NLGN1: variants seen among roughly 807,000 people sequenced by gnomAD.
NLGN1 encodes the protein neuroligin 1, also known as neuroligin-1.
In NLGN1, 12 loss-of-function variants were observed where a neutral mutation model predicts 65.5. The ratio of observed to expected loss-of-function variants is 0.18; its 90% CI spans 0.12 to 0.30. NLGN1 has a LOEUF of 0.30. Among genes scored for constraint, NLGN1 ranks in the 10% least tolerant of loss-of-function variants. NLGN1 has a pLI of 1.00. For synonymous variants in NLGN1, 350 were observed against 359.5 expected (o/e 0.97, Z 0.30); for missense variants, 750 against 1,007.1 (o/e 0.74, Z 3.46).
At chr3:173,545,322 C>T (rs942770574) in intron 2 of NLGN1, among the ~76,000 whole-genome samples, 2 of 152,116 alleles carry the variant, frequency 1.3e-5, no homozygotes, top group Non-Finnish European at 2.9e-5. Flanking sequence ...GATCCACCCA[C>T]CTAGACCTCC....
intron 2 of NLGN1, among the ~76,000 whole-genome samples, chr3:173,598,612 G>C (rs1160356821): frequency 6.6e-6 from 1 of 152,140 alleles, no homozygotes; most frequent in African/African-American, 2.4e-5. Context: ...GGGCTTGCTT[G>C]ATTTGGCTCT....
intron 1 of NLGN1, among the ~76,000 whole-genome samples, chr3:173,418,563 G>A (rs1714278887): frequency 1.3e-5 from 2 of 152,052 alleles, no homozygotes; most frequent in African/African-American, 2.4e-5. Context: ...TCTTCTCATT[G>A]TATAAATTGG....
chr3:173,604,654 G>T (rs1751075977), exon 3 of NLGN1: 1 of 1,613,570 alleles, frequency 6.2e-7, no homozygotes. Context: ...GTGATGGCAT[G>T]CTTGGTACAC....
chr3:173,857,453 C>T (rs555348197), intron 4 of NLGN1, among the ~76,000 whole-genome samples: 11 of 151,978 alleles, frequency 7.2e-5, no homozygotes, highest in Non-Finnish European at 1.6e-4. Flanking sequence ...TTTTCAAAAC[C>T]CAATACGTTT....
At chr3:173,699,524 T>C (rs1766795765) in intron 3 of NLGN1, among the ~76,000 whole-genome samples, 1 of 152,240 alleles carries the variant, frequency 6.6e-6, no homozygotes, top group African/African-American at 2.4e-5. Context: ...TCATGGATTC[T>C]TTGAAATAAG....
At chr3:173,528,274 A>T (rs1412478893) in intron 2 of NLGN1, among the ~76,000 whole-genome samples, 1 of 152,156 alleles carries the variant, frequency 6.6e-6, no homozygotes, top group Non-Finnish European at 1.5e-5. Flanking sequence ...AAGGAGGCTA[A>T]AAATAGGTCT....
At chr3:173,551,537 C>G (rs1047002155) in intron 2 of NLGN1, among the ~76,000 whole-genome samples, 1 of 152,150 alleles carries the variant, frequency 6.6e-6, no homozygotes, top group Non-Finnish European at 1.5e-5. Context: ...TATTTATGCC[C>G]AGAGGATAGT....
intron 4 of NLGN1, among the ~76,000 whole-genome samples, chr3:174,020,377 A>C (rs1384304386): frequency 6.6e-6 from 1 of 152,094 alleles, no homozygotes; most frequent in Non-Finnish European, 1.5e-5. Context: ...ATTGTCCCCA[A>C]GTGACTGATG....
At chr3:174,122,837 C>T (rs1003756461) in intron 4 of NLGN1, among the ~76,000 whole-genome samples, 14 of 151,148 alleles carry the variant, frequency 9.3e-5, no homozygotes, top group African/African-American at 1.5e-4. Context: ...CTATCTATGC[C>T]GATGTTTTTG....
chr3:173,635,752 C>G (rs1756472245), intron 3 of NLGN1, among the ~76,000 whole-genome samples: 1 of 152,008 alleles, frequency 6.6e-6, no homozygotes, highest in South Asian at 2.1e-4. Context: ...CAATGAAAAC[C>G]TTGAAGTATC....
chr3:173,467,096 GATTTA>G (rs1386323686), intron 2 of NLGN1, among the ~76,000 whole-genome samples: 2 of 152,002 alleles, frequency 1.3e-5, no homozygotes, highest in Non-Finnish European at 2.9e-5. Flanking sequence ...TTATCAAGAT[GATTTA>G]ATTTAATTCC....
intron 2 of NLGN1, among the ~76,000 whole-genome samples, chr3:173,520,403 T>C (rs2149132902): frequency 6.6e-6 from 1 of 152,336 alleles, no homozygotes; most frequent in African/African-American, 2.4e-5. Flanking sequence ...ACCTTTGTCA[T>C]TTCACTGAAA....
chr3:174,124,704 A>G (rs1718569506), intron 4 of NLGN1, among the ~76,000 whole-genome samples: 1 of 149,148 alleles, frequency 6.7e-6, no homozygotes, highest in Admixed American at 6.7e-5. Context: ...CTTATAGTAT[A>G]TACTTATATA....
chr3:173,415,499 A>T (rs1224174767), intron 1 of NLGN1, among the ~76,000 whole-genome samples: 2 of 152,234 alleles, frequency 1.3e-5, no homozygotes, highest in African/African-American at 4.8e-5. Context: ...GATGATGTAG[A>T]TATAAGTTGA....
intron 2 of NLGN1, among the ~76,000 whole-genome samples, chr3:173,596,194 T>C (rs1749463996): frequency 6.6e-6 from 1 of 152,228 alleles, no homozygotes; most frequent in African/African-American, 2.4e-5. Context: ...TCTCTTTTTT[T>C]TAATGTTATT....
intron 4 of NLGN1, among the ~76,000 whole-genome samples, chr3:174,042,430 A>C (rs188513168): frequency 6.6e-6 from 1 of 152,248 alleles, no homozygotes; most frequent in Non-Finnish European, 1.5e-5. Context: ...TACCATGTGG[A>C]TATCTAATGA....
At chr3:173,513,374 C>G (rs1581460) in intron 2 of NLGN1, among the ~76,000 whole-genome samples, 66,518 of 151,946 alleles carry the variant, frequency 0.44, 15,888 homozygotes, top group East Asian at 0.85. Flanking sequence ...TGAGCCTTCA[C>G]CAATTTGTCA....
intron 4 of NLGN1, among the ~76,000 whole-genome samples, chr3:173,989,700 G>A (rs115697967): frequency 3.0e-4 from 45 of 152,230 alleles, no homozygotes; most frequent in Non-Finnish European, 4.4e-4. Context: ...CAGTCTTACC[G>A]CAGGTGCATC....
intron 4 of NLGN1, among the ~76,000 whole-genome samples, chr3:174,117,606 GA>G (rs537054381): frequency 0.092 from 11,789 of 128,128 alleles, 514 homozygotes; most frequent in African/African-American, 0.11. Flanking sequence ...GGGCAATAGA[GA>G]AAAAAAAAAA....
Sources: allele counts gnomAD v4.1 joint callset (sites outside exome capture counted in the v4.1 genomes callset), GRCh38; gene constraint gnomAD v4.1.1; transcripts MANE v1.5; gene names NCBI Gene and HGNC (gene_info 2026-07-23, HGNC 2026-07-21).